RANBP17: variants seen among roughly 807,000 people sequenced by gnomAD.
The protein encoded by RANBP17 is ran-binding protein 17.
In RANBP17, 158 loss-of-function variants were observed where a neutral mutation model predicts 141.2. That is an observed-to-expected ratio of 1.12 (90% CI 0.98 to 1.28). The LOEUF is 1.28. Among genes scored for constraint, RANBP17 ranks in the 50% most tolerant of loss-of-function variants. The pLI is 0.00. For missense variants in RANBP17, 1,438 were observed against 1,290.7 expected (o/e 1.11, Z -1.75); for synonymous variants, 430 against 450.0 (o/e 0.96, Z 0.56).
chr5:170,877,902 A>G (rs1581032450), intron 1 of RANBP17, among the ~76,000 whole-genome samples, 195 bp from the exon 2 acceptor site: 1 of 152,208 alleles, frequency 6.6e-6, no homozygotes, highest in Admixed American at 6.5e-5. Context: ...ATCAATTTGT[A>G]AGTAAATAAT....
chr5:170,982,648 A>G (rs1294774625), intron 14 of RANBP17, among the ~76,000 whole-genome samples: 2 of 152,194 alleles, frequency 1.3e-5, no homozygotes, highest in African/African-American at 2.4e-5. Flanking sequence ...ACATTGGATT[A>G]ATGGGAGTTC....
intron 13 of RANBP17, among the ~76,000 whole-genome samples, chr5:170,967,655 T>C (rs974497280): frequency 1.3e-4 from 20 of 151,526 alleles, no homozygotes; most frequent in Non-Finnish European, 4.4e-5. Context: ...TGATTTTCTC[T>C]TAATAATAGT....
At chr5:171,076,855 T>C (rs1784956121) in intron 14 of RANBP17, among the ~76,000 whole-genome samples, 1 of 152,200 alleles carries the variant, frequency 6.6e-6, no homozygotes, top group East Asian at 1.9e-4. Context: ...TTATATCCAA[T>C]TTGACTATAC....
At chr5:171,138,564 G>T (rs1161708046) in intron 14 of RANBP17, among the ~76,000 whole-genome samples, 5 of 148,238 alleles carry the variant, frequency 3.4e-5, no homozygotes, top group Non-Finnish European at 7.4e-5. Context: ...AAAGTCCTGA[G>T]AAAGCATCCT....
chr5:170,976,028 A>T (rs941124898), intron 14 of RANBP17, among the ~76,000 whole-genome samples: 7 of 145,236 alleles, frequency 4.8e-5, no homozygotes, highest in African/African-American at 1.7e-4. Context: ...TCCAGATTTA[A>T]AAAAAAAAGG....
At chr5:171,077,192 T>C (rs1486239811) in intron 14 of RANBP17, among the ~76,000 whole-genome samples, 1 of 151,966 alleles carries the variant, frequency 6.6e-6, no homozygotes, top group East Asian at 1.9e-4. Flanking sequence ...ACAAAAAAAT[T>C]AGCCGGGTGT....
chr5:170,955,064 A>G (rs939506748), intron 13 of RANBP17, among the ~76,000 whole-genome samples: 1 of 152,080 alleles, frequency 6.6e-6, no homozygotes, highest in Non-Finnish European at 1.5e-5. Context: ...ACGGGAATCT[A>G]ATGCCTGGTG....
chr5:170,873,506 T>G (rs777889419), intron 1 of RANBP17, among the ~76,000 whole-genome samples: 3 of 152,348 alleles, frequency 2.0e-5, no homozygotes, highest in Non-Finnish European at 4.4e-5. Context: ...GGCTATTTTT[T>G]TACTGCTTTA....
At chr5:171,180,202 T>A (rs1416047916) in intron 16 of RANBP17, among the ~76,000 whole-genome samples, 3 of 152,242 alleles carry the variant, frequency 2.0e-5, no homozygotes, top group Non-Finnish European at 4.4e-5. Flanking sequence ...CTGTCCCTTC[T>A]GGGACCTGAT....
intron 5 of RANBP17, among the ~76,000 whole-genome samples, chr5:170,905,653 T>C (rs1462083174): frequency 6.6e-6 from 1 of 152,108 alleles, no homozygotes; most frequent in East Asian, 1.9e-4. Flanking sequence ...AGCAGGGATA[T>C]TATGACAGGG....
At position 171,258,781 on chromosome 5, in the gene RANBP17, G is replaced by T. The variant is rs1362542930; in HGVS notation, c.2777-6900G>T. Among the ~76,000 whole-genome samples, 4 of 151,992 alleles carry T rather than the reference G, an allele frequency of 2.6e-5. No individual in the cohort carries two copies. The East Asian group carries it at 7.7e-4, about 29-fold the overall frequency. ...CAAAACTGTTAAAAAAATACTAGAA[G>T]AAAACCTAGGGAAAACTCTTCTGAA... On this transcript the variant is annotated intron_variant, in intron 24 of 27. Transcript: ENST00000523189.
chr5:171,003,826 AAG>A (rs1230859381), intron 14 of RANBP17, among the ~76,000 whole-genome samples: 1 of 152,180 alleles, frequency 6.6e-6, no homozygotes, highest in African/African-American at 2.4e-5. Context: ...GGTAAAAGCA[AAG>A]AGAGGCTGGG....
intron 14 of RANBP17, 192 bp downstream of exon 14, chr5:170,968,569 A>T: frequency 1.6e-6 from 1 of 635,242 alleles, no homozygotes; most frequent in Non-Finnish European, 2.9e-6. Flanking sequence ...TTCTTTAAAG[A>T]TTGAGTGGCA....
chr5:171,252,211 A>T lies in RANBP17; in HGVS notation c.2776+9391A>T. The stretch of plus-strand genomic sequence containing the variant: ...CCATGAATTCTTAAATTACCTACTA[A>T]ATACAATTGCTGATATTTTACAAGA... On this transcript the variant is annotated intron_variant, in intron 24 of 27. Coordinates refer to ENST00000523189, the MANE Select transcript of RANBP17 (RefSeq NM_022897.5). 3.2e-6 allele frequency: 5 copies of T among 1,577,528 alleles called. No homozygotes were observed. In the South Asian group the frequency reaches 5.6e-5, roughly 18 times the overall value.
chr5:170,875,963 C>A (rs552036260), intron 1 of RANBP17, among the ~76,000 whole-genome samples: 1 of 152,248 alleles, frequency 6.6e-6, no homozygotes, highest in South Asian at 2.1e-4. Flanking sequence ...GCTGTTGTTG[C>A]TTTCTGTTTG....
intron 14 of RANBP17, among the ~76,000 whole-genome samples, chr5:171,142,330 A>T (rs1226959631): frequency 1.3e-5 from 2 of 152,138 alleles, no homozygotes; most frequent in Non-Finnish European, 2.9e-5. Flanking sequence ...GTAATTGAAG[A>T]AAAAAATATT....
At chr5:171,235,155 G>A (rs1310160359) in intron 22 of RANBP17, among the ~76,000 whole-genome samples, 5 of 152,114 alleles carry the variant, frequency 3.3e-5, no homozygotes. Flanking sequence ...TAAGATGAAG[G>A]CTAAGAGTCA....
chr5:170,871,394 G>A (rs762710383), intron 1 of RANBP17, among the ~76,000 whole-genome samples: 13 of 151,892 alleles, frequency 8.6e-5, no homozygotes, highest in Non-Finnish European at 1.8e-4. Context: ...CTTTAAATTT[G>A]TTTAAGGTTC....
At chr5:171,000,451 CA>C (rs1205231553) in intron 14 of RANBP17, among the ~76,000 whole-genome samples, 1 of 151,734 alleles carries the variant, frequency 6.6e-6, no homozygotes, top group Admixed American at 6.6e-5. Context: ...ATTCTGTTTA[CA>C]AAAAAAATGA....
Sources: gnomAD v4.1 joint callset for allele counts (sites outside exome capture counted in the v4.1 genomes callset) on GRCh38, gnomAD v4.1.1 for gene constraint, MANE v1.5 for transcripts, NCBI Gene and HGNC (gene_info 2026-07-23, HGNC 2026-07-21) for gene names.